Variants in SETBP1 observed in about 807,000 individuals in gnomAD.
SETBP1 encodes the protein SET binding protein 1, also known as SET-binding protein.
A neutral mutation model predicts 101.0 loss-of-function variants in SETBP1; 9 were observed. The ratio of observed to expected loss-of-function variants is 0.09; its 90% CI spans 0.05 to 0.16. SETBP1 has a LOEUF of 0.16. SETBP1 is among the 10% of genes least tolerant of loss of function. SETBP1 has a pLI of 1.00. For synonymous variants in SETBP1, 818 were observed against 788.5 expected (o/e 1.04, Z -0.63); for missense variants, 1,858 against 2,033.8 (o/e 0.91, Z 1.66).
chr18:44,693,492 A>G (rs2068967136), intron 1 of SETBP1, among the ~76,000 whole-genome samples: 1 of 152,158 alleles, frequency 6.6e-6, no homozygotes. Flanking sequence ...GAGGCATTTA[A>G]CCTCAGCCTG....
intron 4 of SETBP1, among the ~76,000 whole-genome samples, chr18:44,960,419 C>T (rs887216439): frequency 2.0e-5 from 3 of 152,066 alleles, no homozygotes; most frequent in African/African-American, 4.8e-5. Flanking sequence ...ACTAAAACCT[C>T]CAACTTCTGG....
At chr18:44,840,546 C>T (rs1382682203) in intron 2 of SETBP1, among the ~76,000 whole-genome samples, 1 of 152,192 alleles carries the variant, frequency 6.6e-6, no homozygotes, top group Non-Finnish European at 1.5e-5. Context: ...TGACATTTTA[C>T]ATCTTAAAAT....
chr18:44,896,388 A>C lies in SETBP1; in HGVS notation c.540+27105A>C, dbSNP rs79769526. ...CTATTTCCCAGCTACTTTCATCATT[A>C]GTCTCTTCCTGGAATTATGCATATT... On this transcript the variant is annotated intron_variant, in intron 3 of 5. Coordinates refer to ENST00000649279, the MANE Select transcript of SETBP1 (RefSeq NM_015559.3). 1.1e-3 allele frequency among the ~76,000 whole-genome samples: 175 copies of C among 152,268 alleles called. 1 individual carries two copies. The highest frequency in any genetic ancestry group is 4.1e-3 in the African/African-American group (169 of 41,558).
intron 2 of SETBP1, among the ~76,000 whole-genome samples, chr18:44,705,398 T>C (rs1040950601): frequency 4.6e-5 from 7 of 152,164 alleles, no homozygotes; most frequent in Non-Finnish European, 1.0e-4. Context: ...TTACAAAAAA[T>C]GTGCATTGAT....
chr18:44,991,305 A>G (rs1011977757), intron 4 of SETBP1, among the ~76,000 whole-genome samples: 5 of 151,566 alleles, frequency 3.3e-5, no homozygotes, highest in Non-Finnish European at 7.4e-5. Context: ...AATATAAATC[A>G]TGAAATAAAA....
At chr18:44,705,666 T>G (rs1302421321) in intron 2 of SETBP1, among the ~76,000 whole-genome samples, 1 of 152,192 alleles carries the variant, frequency 6.6e-6, no homozygotes, top group Non-Finnish European at 1.5e-5. Flanking sequence ...GAAAGCTCTG[T>G]GTGATACGGG....
intron 2 of SETBP1, among the ~76,000 whole-genome samples, chr18:44,799,269 T>C (rs1335383719): frequency 6.6e-6 from 1 of 152,082 alleles, no homozygotes; most frequent in African/African-American, 2.4e-5. Context: ...GGCCTTTCCA[T>C]AGGTTGTTCT....
At chr18:44,904,243 CT>C (rs1275387287) in intron 3 of SETBP1, among the ~76,000 whole-genome samples, 15 of 152,188 alleles carry the variant, frequency 9.9e-5, no homozygotes, top group Admixed American at 7.9e-4. Flanking sequence ...CTGTGACTAA[CT>C]TTTTTTGTTT....
chr18:44,813,152 C>T (rs2071899117), intron 2 of SETBP1, among the ~76,000 whole-genome samples: 1 of 152,112 alleles, frequency 6.6e-6, no homozygotes, highest in Admixed American at 6.5e-5. Context: ...GAGTCTTTCC[C>T]ACTGATGTCC....
intron 4 of SETBP1, among the ~76,000 whole-genome samples, chr18:45,002,401 T>C (rs1343139910): frequency 6.6e-6 from 1 of 152,104 alleles, no homozygotes; most frequent in African/African-American, 2.4e-5. Flanking sequence ...GGTCCTGTTT[T>C]TACAACACAG....
At chr18:45,056,396 C>T (rs1378513011) in intron 5 of SETBP1, among the ~76,000 whole-genome samples, 7 of 152,228 alleles carry the variant, frequency 4.6e-5, no homozygotes, top group Admixed American at 4.6e-4. Context: ...TCCCAGGAAT[C>T]TCATGCCCAA....
intron 2 of SETBP1, among the ~76,000 whole-genome samples, chr18:44,743,026 C>T (rs1236173865): frequency 1.3e-5 from 2 of 150,698 alleles, no homozygotes; most frequent in African/African-American, 4.9e-5. Flanking sequence ...TCCCTTCCTG[C>T]CTGCCTCTCT....
At chr18:45,051,839 A>G (rs950074232) in intron 5 of SETBP1, among the ~76,000 whole-genome samples, 2 of 152,324 alleles carry the variant, frequency 1.3e-5, no homozygotes, top group African/African-American at 4.8e-5. Flanking sequence ...GTGTTGGTCT[A>G]TATTTCACAG....
At chr18:44,779,072 C>G (rs1227728582) in intron 2 of SETBP1, among the ~76,000 whole-genome samples, 1 of 152,206 alleles carries the variant, frequency 6.6e-6, no homozygotes, top group Non-Finnish European at 1.5e-5. Context: ...CATTACCTTT[C>G]CTGGGTTGTT....
intron 2 of SETBP1, among the ~76,000 whole-genome samples, chr18:44,824,835 A>T (rs924554035): frequency 6.6e-6 from 1 of 152,230 alleles, no homozygotes; most frequent in Non-Finnish European, 1.5e-5. Context: ...AAGCAGATGA[A>T]GAAAGGGAGT....
Position 44,952,066 on chromosome 18 carries a change from C to A in SETBP1, c.2726C>A (p.Thr909Asn). Residue 909 changes from threonine to asparagine, a missense_variant, in exon 4 of 6, where the codon ACC becomes AAC. By Grantham distance (65) the Thr-to-Asn change is moderately conservative. Coordinates refer to ENST00000649279, the MANE Select transcript of SETBP1 (RefSeq NM_015559.3). ...LDNPEAIPSD[T>N]STKNRHGHRQ... ...AACCCGGAGGCCATTCCGTCCGACA[C>A]CAGCACAAAGAACCGGCATGGCCAC... 2 of 1,614,114 alleles carry A rather than the reference C, an allele frequency of 1.2e-6. No homozygotes were observed. Among genetic ancestry groups the A allele is most frequent in the Admixed American group, 3.3e-5 (2 of 60,022 alleles).
intron 2 of SETBP1, among the ~76,000 whole-genome samples, chr18:44,826,688 C>T (rs778299412): frequency 3.3e-5 from 5 of 152,088 alleles, no homozygotes; most frequent in Non-Finnish European, 5.9e-5. Context: ...TCTGCCCAGA[C>T]ACATGCTGAG....
At chr18:44,688,625 T>C (rs2068877044) in intron 1 of SETBP1, among the ~76,000 whole-genome samples, 1 of 152,068 alleles carries the variant, frequency 6.6e-6, no homozygotes, top group African/African-American at 2.4e-5. Context: ...GCTAATTTTT[T>C]ATATTTGTTG....
rs34929410 is a variant in SETBP1, at chr18:44,788,790, A to ATT, written c.487-80417_487-80416dup. ...AACTGATTTTTTTTTTTCCTTTTTA[A>ATT]TTTTTTTTTTTTTTTTTTTTTTTTG... On this transcript the variant is annotated intron_variant, in intron 2 of 5. Transcript: ENST00000649279. 9.2e-3 allele frequency among the ~76,000 whole-genome samples: 738 copies of ATT among 80,340 alleles called. 2 individuals carry two copies. Among genetic ancestry groups the ATT allele is most frequent in the African/African-American group, 0.02 (385 of 18,836 alleles). The allele number at this position is 80,340 out of a possible 152,430, so 52.7% of individuals were successfully genotyped here. A position where few individuals can be genotyped will look rare whatever the true frequency, so the allele number is the denominator to read the frequency against.
Sources: allele counts gnomAD v4.1 joint callset (sites outside exome capture counted in the v4.1 genomes callset), GRCh38; gene constraint gnomAD v4.1.1; transcripts MANE v1.5; gene names NCBI Gene and HGNC (gene_info 2026-07-23, HGNC 2026-07-21).